Variants in DPYD observed in about 807,000 individuals in gnomAD.
DPYD encodes the protein dihydropyrimidine dehydrogenase.
Under a neutral mutation model 116.2 loss-of-function variants are expected in DPYD, and 109 were observed. That is an observed-to-expected ratio of 0.94 (90% CI 0.80 to 1.10). The LOEUF (loss-of-function observed/expected upper bound fraction) is 1.10. DPYD is among the 50% of genes least tolerant of loss of function. The pLI is 0.00. For synonymous variants in DPYD, 440 were observed against 432.0 expected, an observed-to-expected ratio of 1.02 and a Z score of -0.23; for missense variants, 1,302 against 1,254.5, an observed-to-expected ratio of 1.04 and a Z score of -0.57.
intron 14 of DPYD, among the ~76,000 whole-genome samples, chr1:97,436,012 T>C (rs1324331088): frequency 6.6e-6 from 1 of 152,070 alleles, no homozygotes; most frequent in African/African-American, 2.4e-5. Flanking sequence ...ATAAAACAGT[T>C]GTGCATTTTT....
intron 18 of DPYD, chr1:97,296,198 T>C (rs1362322290): frequency 1.3e-5 from 2 of 152,234 alleles, no homozygotes; most frequent in African/African-American, 2.4e-5. Context: ...TGATTGATTC[T>C]AATGATTGAG....
At chr1:97,835,881 T>G (rs187817412) in intron 2 of DPYD, among the ~76,000 whole-genome samples, 6 of 152,204 alleles carry the variant, frequency 3.9e-5, no homozygotes, top group Non-Finnish European at 1.5e-5. Flanking sequence ...AAGAGCAATT[T>G]AAAAATGAAA....
intron 16 of DPYD, among the ~76,000 whole-genome samples, chr1:97,309,441 G>A (rs1020438437): frequency 6.6e-6 from 1 of 151,436 alleles, no homozygotes; most frequent in Non-Finnish European, 1.5e-5. Context: ...GCAACAAAAT[G>A]ATTTCCTGTG....
At chr1:97,471,026 T>A (rs2101851638) in intron 13 of DPYD, among the ~76,000 whole-genome samples, 1 of 152,188 alleles carries the variant, frequency 6.6e-6, no homozygotes, top group Non-Finnish European at 1.5e-5. Flanking sequence ...TTATCCACAC[T>A]GCTTGATCTG....
intron 12 of DPYD, among the ~76,000 whole-genome samples, chr1:97,524,445 A>G (rs1557771783): frequency 6.6e-6 from 1 of 152,150 alleles, no homozygotes. Flanking sequence ...TAAACTCTGA[A>G]GTCTTGGCTG....
At chr1:97,701,213 A>AAT (rs1002282091) in intron 5 of DPYD, among the ~76,000 whole-genome samples, 4 of 148,118 alleles carry the variant, frequency 2.7e-5, no homozygotes, top group Non-Finnish European at 6.0e-5. Context: ...ATATATATGA[A>AAT]ATATATATAT....
At chr1:97,080,364 GTA>G (rs139618140) in intron 22 of DPYD, among the ~76,000 whole-genome samples, 8 of 150,308 alleles carry the variant, frequency 5.3e-5, no homozygotes, top group Admixed American at 1.3e-4. Flanking sequence ...ATATATGTGT[GTA>G]TATATATATA....
At chr1:97,556,479 A>G (rs1177639574) in intron 11 of DPYD, among the ~76,000 whole-genome samples, 1 of 140,642 alleles carries the variant, frequency 7.1e-6, no homozygotes, top group African/African-American at 2.6e-5. Flanking sequence ...AGCATTAGGT[A>G]TATCTCCCAA....
intron 14 of DPYD, 131 bp downstream of exon 14, chr1:97,449,928 C>A: frequency 8.3e-7 from 1 of 1,203,826 alleles, no homozygotes; most frequent in South Asian, 1.4e-5. Flanking sequence ...TTCTATGCAT[C>A]AGCAAAGCAA....
intron 16 of DPYD, among the ~76,000 whole-genome samples, chr1:97,336,200 AGCCTTTATGGAGTGCCTCTTGAATT>A (rs1297323327): frequency 3.3e-5 from 5 of 152,204 alleles, no homozygotes. Flanking sequence ...TGAGCAAGTA[AGCCTTTATGGAGTGCCTCTTGAATT>A]ACACCTGGTA....
chr1:97,218,902 A>G (rs796960259), intron 19 of DPYD, among the ~76,000 whole-genome samples: 2 of 152,282 alleles, frequency 1.3e-5, no homozygotes, highest in African/African-American at 4.8e-5. Context: ...AAGAGATTTT[A>G]AAGTTTGGTT....
At chr1:97,705,367 G>A (rs1278819041) in intron 5 of DPYD, among the ~76,000 whole-genome samples, 1 of 152,016 alleles carries the variant, frequency 6.6e-6, no homozygotes, top group Non-Finnish European at 1.5e-5. Flanking sequence ...CCACCTATGA[G>A]TGAGAACATG....
intron 11 of DPYD, among the ~76,000 whole-genome samples, chr1:97,563,619 A>G (rs1338314321): frequency 1.3e-5 from 2 of 152,236 alleles, no homozygotes; most frequent in Admixed American, 6.5e-5. Flanking sequence ...CCTGGAAAAT[A>G]AAGATAAGGA....
At chr1:97,426,641 T>C (rs1366821486) in intron 14 of DPYD, among the ~76,000 whole-genome samples, 1 of 152,042 alleles carries the variant, frequency 6.6e-6, no homozygotes, top group African/African-American at 2.4e-5. Flanking sequence ...GGATGAAGGG[T>C]AGGCAGAGAC....
chr1:97,393,899 G>GTA (rs1476780959), intron 14 of DPYD, among the ~76,000 whole-genome samples: 14 of 152,206 alleles, frequency 9.2e-5, no homozygotes, highest in Admixed American at 5.2e-4. Flanking sequence ...TTAGTTTACA[G>GTA]TCCCACCAAC....
At chr1:97,874,825 T>A (rs537913864) in intron 2 of DPYD, among the ~76,000 whole-genome samples, 1 of 152,074 alleles carries the variant, frequency 6.6e-6, no homozygotes, top group Admixed American at 6.6e-5. Flanking sequence ...GTACATGCTT[T>A]ATTTTATAGT....
chr1:97,190,416 C>A (rs1303481043), intron 20 of DPYD, among the ~76,000 whole-genome samples: 1 of 152,128 alleles, frequency 6.6e-6, no homozygotes, highest in Non-Finnish European at 1.5e-5. Context: ...TCTCAACACA[C>A]CTCTTACCCA....
At chr1:97,765,390 T>C (rs916458842) in intron 3 of DPYD, among the ~76,000 whole-genome samples, 1 of 152,188 alleles carries the variant, frequency 6.6e-6, no homozygotes, top group Non-Finnish European at 1.5e-5. Context: ...CATCAGCCAT[T>C]ACTCTGAGGC....
chr1:97,423,160 AATC>A (rs2101704573), intron 14 of DPYD, among the ~76,000 whole-genome samples: 1 of 152,242 alleles, frequency 6.6e-6, no homozygotes, highest in South Asian at 2.1e-4. Context: ...TAGCAAGAGA[AATC>A]ATATTGTAAT....
Sources: gnomAD v4.1 joint callset for allele counts (sites outside exome capture counted in the v4.1 genomes callset) on GRCh38, gnomAD v4.1.1 for gene constraint, MANE v1.5 for transcripts, NCBI Gene and HGNC (gene_info 2026-07-23, HGNC 2026-07-21) for gene names.